Variants in METAP2 observed in about 807,000 individuals in gnomAD.
METAP2 encodes methionyl aminopeptidase 2, also known as methionine aminopeptidase 2.
A neutral mutation model predicts 59.4 loss-of-function variants in METAP2; 25 were observed. The observed-to-expected ratio is 0.42, with a 90% CI of 0.31 to 0.59. The LOEUF is 0.59. Ranked by LOEUF, METAP2 falls within the 20% of genes least tolerant of loss-of-function variation. METAP2 has a pLI of 0.16. For missense variants in METAP2, 366 were observed against 581.2 expected (o/e 0.63, Z 3.81); for synonymous variants, 214 against 194.1 (o/e 1.10, Z -0.85).
chr12:95,478,736 T>G (rs1462365175), intron 2 of METAP2, among the ~76,000 whole-genome samples: 1 of 151,990 alleles, frequency 6.6e-6, no homozygotes, highest in Non-Finnish European at 1.5e-5. Flanking sequence ...TGAAATTTGG[T>G]GGTATAAGTG....
intron 8 of METAP2, among the ~76,000 whole-genome samples, chr12:95,505,670 T>C (rs144408776): frequency 7.2e-5 from 11 of 152,188 alleles, no homozygotes; most frequent in Non-Finnish European, 1.3e-4. Flanking sequence ...GCTTTTTGTA[T>C]TTTTAGTAGA....
intron 2 of METAP2, among the ~76,000 whole-genome samples, chr12:95,476,674 G>C (rs2076122354): frequency 2.0e-5 from 3 of 152,084 alleles, no homozygotes; most frequent in Non-Finnish European, 2.9e-5. Context: ...TCTTGAAAAA[G>C]TTCAATGTGT....
chr12:95,483,772 CT>C (rs1334447684), intron 3 of METAP2, among the ~76,000 whole-genome samples: 11 of 152,036 alleles, frequency 7.2e-5, no homozygotes, highest in African/African-American at 2.7e-4. Context: ...AAGAATAATT[CT>C]GTCAAGAATG....
chr12:95,495,323 T>C (rs989179985), intron 6 of METAP2, among the ~76,000 whole-genome samples, 185 bp downstream of exon 6: 8 of 152,232 alleles, frequency 5.3e-5, no homozygotes, highest in Non-Finnish European at 7.4e-5. Flanking sequence ...GAGAGGCAGT[T>C]GTGACATTTA....
chr12:95,493,246 CA>C (rs769788561), intron 4 of METAP2, among the ~76,000 whole-genome samples: 2 of 152,136 alleles, frequency 1.3e-5, no homozygotes, highest in East Asian at 1.9e-4. Context: ...GAGGCTGAGA[CA>C]GGGGGATCAC....
At chr12:95,501,876 C>G (rs929973785) in intron 7 of METAP2, among the ~76,000 whole-genome samples, 4 of 150,946 alleles carry the variant, frequency 2.6e-5, no homozygotes, top group Admixed American at 2.0e-4. Flanking sequence ...CAAGTTACTA[C>G]ATAGTATCCT....
At chr12:95,490,772 T>C (rs1332461145) in intron 4 of METAP2, among the ~76,000 whole-genome samples, 2 of 152,154 alleles carry the variant, frequency 1.3e-5, no homozygotes, top group Non-Finnish European at 2.9e-5. Context: ...CTCACCTTTT[T>C]CTCTTTCTCT....
At chr12:95,483,429 T>C in intron 3 of METAP2, 149 bp downstream of exon 3, 1 of 581,146 alleles carries the variant, frequency 1.7e-6, no homozygotes, top group South Asian at 2.1e-5. Context: ...TAAGCTGAGA[T>C]TGTGCCACTG....
intron 7 of METAP2, among the ~76,000 whole-genome samples, chr12:95,496,672 C>A (rs2076277316): frequency 6.6e-6 from 1 of 151,742 alleles, no homozygotes; most frequent in African/African-American, 2.4e-5. Context: ...CCACCAAAAT[C>A]TTCTGTGCTC....
intron 7 of METAP2, among the ~76,000 whole-genome samples, chr12:95,501,919 C>T (rs941966188): frequency 3.3e-5 from 5 of 151,278 alleles, no homozygotes; most frequent in Non-Finnish European, 5.9e-5. Context: ...TTCTTGCAGG[C>T]CCGGTCTAGT....
intron 8 of METAP2, among the ~76,000 whole-genome samples, chr12:95,510,596 A>C (rs1436278366): frequency 6.6e-6 from 1 of 152,142 alleles, no homozygotes; most frequent in African/African-American, 2.4e-5. Context: ...ACACCATCAC[A>C]CTGGGGATGA....
At chr12:95,503,999 A>C (rs2076336485) in intron 7 of METAP2, 66 bp from the exon 8 acceptor site, 1 of 1,181,832 alleles carries the variant, frequency 8.5e-7, no homozygotes, top group Admixed American at 2.0e-5. Flanking sequence ...TTTAAATGTT[A>C]CAAAATTAAG....
At chr12:95,489,983 A>G (rs1224861301) in intron 4 of METAP2, among the ~76,000 whole-genome samples, 11 of 152,230 alleles carry the variant, frequency 7.2e-5, no homozygotes, top group South Asian at 6.2e-4. Context: ...TCTCAATGAA[A>G]TACAACAAGT....
chr12:95,489,268 GT>G (rs1164536385), intron 4 of METAP2, among the ~76,000 whole-genome samples: 2 of 152,238 alleles, frequency 1.3e-5, no homozygotes, highest in East Asian at 3.9e-4. Flanking sequence ...ATGAGATTTT[GT>G]AAACTTCAAA....
At chr12:95,513,614 C>G in intron 10 of METAP2, 38 bp from the exon 11 acceptor site, 1 of 1,594,240 alleles carries the variant, frequency 6.3e-7, no homozygotes, top group Non-Finnish European at 8.5e-7. Flanking sequence ...GTTCGTAACT[C>G]TTTTGCCAAC....
chr12:95,508,888 G>T (rs1209772223), intron 8 of METAP2, among the ~76,000 whole-genome samples: 1 of 152,002 alleles, frequency 6.6e-6, no homozygotes, highest in Non-Finnish European at 1.5e-5. Context: ...ATTGATCAGT[G>T]TTCTTAGTTT....
intron 7 of METAP2, among the ~76,000 whole-genome samples, chr12:95,500,828 A>G (rs923494919): frequency 6.6e-6 from 1 of 152,084 alleles, no homozygotes; most frequent in Non-Finnish European, 1.5e-5. Flanking sequence ...ATATTGGCCT[A>G]TAGTTTTCTT....
intron 1 of METAP2, 123 bp downstream of exon 1, chr12:95,474,453 C>A: frequency 1.9e-6 from 2 of 1,058,048 alleles, no homozygotes; most frequent in Non-Finnish European, 2.7e-6. Flanking sequence ...TTGGGCCTGA[C>A]AGGGTGGCAA....
chr12:95,495,101 T>C lies in METAP2; in HGVS notation c.735T>C (p.Asp245=), dbSNP rs1245539457. 1.2e-6 allele frequency: 2 copies of C among 1,613,376 alleles called. No homozygotes were observed. The highest frequency in any genetic ancestry group is 1.7e-5 in the Admixed American group (1 of 59,988). Residue 245 remains aspartate (D), a synonymous_variant, in exon 6 of 11, where the codon GAT becomes GAC. Transcript: ENST00000323666. Reference sequence around the variant, plus strand: ...GTGACACAACAGTATTACAGTATGATGACATCTGTAAAATAGACTTTGGAA... The same window carrying C: ...GTGACACAACAGTATTACAGTATGACGACATCTGTAAAATAGACTTTGGAA... ...NAGDTTVLQY[D]DICKIDFGTH...
Sources: allele counts gnomAD v4.1 joint callset (sites outside exome capture counted in the v4.1 genomes callset), GRCh38; gene constraint gnomAD v4.1.1; transcripts MANE v1.5; gene names NCBI Gene and HGNC (gene_info 2026-07-23, HGNC 2026-07-21).